Variants in USP34 observed in about 807,000 individuals in gnomAD.
USP34 encodes the protein ubiquitin carboxyl-terminal hydrolase 34.
Under a neutral mutation model 460.3 loss-of-function variants are expected in USP34, and 70 were observed. That is an observed-to-expected ratio of 0.15 (90% CI 0.13 to 0.19). The LOEUF (loss-of-function observed/expected upper bound fraction) is 0.19. USP34 is among the 10% of genes least tolerant of loss of function. The probability of loss-of-function intolerance (pLI) is 1.00; values close to 1 mark genes in which losing one functional copy is unlikely to be tolerated. For synonymous variants in USP34, 1,647 were observed against 1,405.3 expected, an observed-to-expected ratio of 1.17 and a Z score of -3.85; for missense variants, 3,985 against 4,236.2, an observed-to-expected ratio of 0.94 and a Z score of 1.65.
intron 5 of USP34, among the ~76,000 whole-genome samples, chr2:61,388,456 T>TAAAAAA (rs34286687): frequency 3.9e-5 from 5 of 129,590 alleles, no homozygotes; most frequent in African/African-American, 1.5e-4. Context: ...CAGGGGAGTT[T>TAAAAAA]AAAAAAAAAA....
intron 18 of USP34, among the ~76,000 whole-genome samples, chr2:61,337,045 T>C (rs1691441804): frequency 6.6e-6 from 1 of 152,094 alleles, no homozygotes; most frequent in African/African-American, 2.4e-5. Flanking sequence ...TAAACATACA[T>C]ACAAAAGAGG....
intron 48 of USP34, among the ~76,000 whole-genome samples, chr2:61,251,512 C>T (rs1387841895): frequency 6.6e-6 from 1 of 152,170 alleles, no homozygotes; most frequent in African/African-American, 2.4e-5. Flanking sequence ...TCAGCTGTAT[C>T]GTTTATATAC....
chr2:61,316,966 C>T (rs1254828548), intron 23 of USP34, among the ~76,000 whole-genome samples: 1 of 152,102 alleles, frequency 6.6e-6, no homozygotes, highest in African/African-American at 2.4e-5. Flanking sequence ...CTAAGAGATA[C>T]AAGTATTCTT....
chr2:61,403,310 T>C (rs1693775145), intron 3 of USP34, among the ~76,000 whole-genome samples: 1 of 152,136 alleles, frequency 6.6e-6, no homozygotes, highest in Admixed American at 6.5e-5. Flanking sequence ...GCAAGTTTAT[T>C]TTAGAAGCAG....
intron 1 of USP34, among the ~76,000 whole-genome samples, chr2:61,461,541 G>A (rs1305838004): frequency 6.6e-6 from 1 of 152,068 alleles, no homozygotes; most frequent in Non-Finnish European, 1.5e-5. Context: ...TATTTTAAGA[G>A]ATGAAGTCTT....
chr2:61,450,009 T>A (rs1695224882), intron 1 of USP34, among the ~76,000 whole-genome samples: 1 of 152,012 alleles, frequency 6.6e-6, no homozygotes, highest in African/African-American at 2.4e-5. Context: ...GAGCCTGCAG[T>A]GAACAAAGTT....
At chr2:61,421,032 G>A (rs555391941) in intron 1 of USP34, among the ~76,000 whole-genome samples, 199 bp from the exon 2 acceptor site, 3 of 152,138 alleles carry the variant, frequency 2.0e-5, no homozygotes, top group Non-Finnish European at 2.9e-5. Context: ...AGGGGTGGGG[G>A]GGGCAGTGAG....
In USP34 at chr2:61,259,796, A is replaced by C; in HGVS notation, c.5779-20T>G. The C allele has an allele frequency of 6.2e-7, 1 of 1,609,320 alleles. No individual in the cohort carries two copies. Among genetic ancestry groups the C allele is most frequent in the South Asian group, 1.1e-5 (1 of 90,988 alleles). ...TGAATACTGAAAATCAAGAGAAAACACCATTAAAAACACAGACATGATGGT... is the reference window on the plus strand; with the variant it reads ...TGAATACTGAAAATCAAGAGAAAACCCCATTAAAAACACAGACATGATGGT... On this transcript the variant is annotated intron_variant, in intron 43 of 79. Coordinates refer to ENST00000398571, the MANE Select transcript of USP34 (RefSeq NM_014709.4).
chr2:61,374,071 G>A (rs1275053620), intron 8 of USP34, among the ~76,000 whole-genome samples: 3 of 150,840 alleles, frequency 2.0e-5, no homozygotes, highest in Non-Finnish European at 2.9e-5. Flanking sequence ...CAGCACAATC[G>A]CTTGAAGCCA....
intron 41 of USP34, among the ~76,000 whole-genome samples, chr2:61,269,607 T>TA (rs981663431): frequency 2.5e-4 from 38 of 152,122 alleles, no homozygotes; most frequent in Non-Finnish European, 2.9e-5. Flanking sequence ...TTTACAAATT[T>TA]AAAAAATCTT....
intron 7 of USP34, among the ~76,000 whole-genome samples, chr2:61,378,930 A>C (rs970132233): frequency 9.3e-5 from 14 of 150,490 alleles, no homozygotes; most frequent in Non-Finnish European, 1.9e-4. Context: ...AAAAAAAAAA[A>C]AAAAAAACAA....
chr2:61,313,852 A>T (rs1690667524), intron 25 of USP34, among the ~76,000 whole-genome samples: 1 of 152,122 alleles, frequency 6.6e-6, no homozygotes, highest in Non-Finnish European at 1.5e-5. Context: ...AATGTCAATA[A>T]ATATCACTTG....
rs1410482977 is a variant in USP34 at position 61,206,751 on chromosome 2, T to A, written c.9046+9A>T. On this transcript the variant is annotated intron_variant, in intron 71 of 79. Coordinates refer to ENST00000398571, the MANE Select transcript of USP34 (RefSeq NM_014709.4). The stretch of plus-strand genomic sequence containing the variant: ...ACGAACAAAACATAAGAAGTAGGAA[T>A]GAGCAAACCTTTTCTCTGAAGATAA... 2 of 1,612,046 alleles carry A rather than the reference T, an allele frequency of 1.2e-6. No individual in the cohort carries two copies. Among genetic ancestry groups the A allele is most frequent in the Non-Finnish European group, 1.7e-6 (2 of 1,179,318 alleles).
chr2:61,394,365 G>A (rs1046479641), intron 5 of USP34, among the ~76,000 whole-genome samples: 1 of 151,642 alleles, frequency 6.6e-6, no homozygotes, highest in African/African-American at 2.4e-5. Context: ...GTTTAAAATG[G>A]CCTGGGCAAC....
chr2:61,299,702 C>T (rs936219772), intron 29 of USP34, among the ~76,000 whole-genome samples: 21 of 152,204 alleles, frequency 1.4e-4, no homozygotes, highest in Middle Eastern at 3.4e-3. Context: ...AACTGAGCTA[C>T]GATCATACCA....
chr2:61,393,092 A>C (rs559516987), intron 5 of USP34, among the ~76,000 whole-genome samples: 23 of 152,296 alleles, frequency 1.5e-4, no homozygotes, highest in African/African-American at 4.8e-4. Flanking sequence ...ACAATCCTCT[A>C]AAGTAGATGG....
intron 1 of USP34, among the ~76,000 whole-genome samples, chr2:61,454,347 C>T (rs941814870): frequency 3.3e-5 from 5 of 152,186 alleles, no homozygotes; most frequent in African/African-American, 7.2e-5. Context: ...TGGTATTGAA[C>T]TCCTGACCTC....
At chr2:61,416,851 G>C (rs1694211793) in intron 2 of USP34, 1 of 467,740 alleles carries the variant, frequency 2.1e-6, no homozygotes, top group Non-Finnish European at 3.7e-6. Flanking sequence ...AGAATGTATT[G>C]GTATTAAGAG....
intron 1 of USP34, among the ~76,000 whole-genome samples, chr2:61,436,248 T>C (rs1415952356): frequency 6.6e-6 from 1 of 152,180 alleles, no homozygotes; most frequent in Non-Finnish European, 1.5e-5. Context: ...AAGAATCGCT[T>C]GAACCTGGGA....
Sources: allele counts gnomAD v4.1 joint callset (sites outside exome capture counted in the v4.1 genomes callset), GRCh38; gene constraint gnomAD v4.1.1; transcripts MANE v1.5; gene names NCBI Gene and HGNC (gene_info 2026-07-23, HGNC 2026-07-21).